Variants in FKBP5 observed in about 807,000 individuals in gnomAD.
FKBP5 encodes the protein FKBP prolyl isomerase 5, also known as peptidyl-prolyl cis-trans isomerase FKBP5.
A neutral mutation model predicts 50.5 loss-of-function variants in FKBP5; 23 were observed. The observed-to-expected ratio is 0.46, with a 90% confidence interval of 0.33 to 0.65. FKBP5 has a LOEUF of 0.65. Among genes scored for constraint, FKBP5 ranks in the 30% least tolerant of loss-of-function variants. The pLI is 0.02. For missense variants in FKBP5, 411 were observed against 553.1 expected (o/e 0.74, Z 2.58); for synonymous variants, 176 against 190.6 (o/e 0.92, Z 0.63).
At chr6:35,713,032 A>G (rs1254595547) in intron 2 of FKBP5, among the ~76,000 whole-genome samples, 1 of 140,040 alleles carries the variant, frequency 7.1e-6, no homozygotes, top group Admixed American at 8.0e-5. Context: ...AGCCGTGATC[A>G]CGCTACTGCA....
rs190620410 is a variant in FKBP5, at chr6:35,682,950, T to C, written c.-20+5854A>G. 1.2e-3 allele frequency among the ~76,000 whole-genome samples: 179 copies of C among 150,982 alleles called. 1 individual carries two copies. The highest frequency in any genetic ancestry group is 6.8e-3 in the Middle Eastern group (2 of 294). On this transcript the variant is annotated intron_variant, in intron 1 of 10. Coordinates refer to ENST00000357266, the MANE Select transcript of FKBP5 (RefSeq NM_004117.4). ...AAAAAGTATATATATATATATCCCA[T>C]TTCTTTTTTAAAAAAAGGTTAAAAA...
intron 8 of FKBP5, chr6:35,580,526 C>CTTTTTTTTTTT (rs34594222): frequency 3.7e-5 from 2 of 54,620 alleles, no homozygotes; most frequent in African/African-American, 1.6e-4. Flanking sequence ...ATTCTTTAGT[C>CTTTTTTTTTTT]TTTTTTTTTT....
intron 5 of FKBP5, among the ~76,000 whole-genome samples, chr6:35,606,577 G>A (rs1450948573): frequency 7.3e-6 from 1 of 136,312 alleles, no homozygotes; most frequent in African/African-American, 2.7e-5. Context: ...GGAGAATGGC[G>A]TGAACCTGGG....
intron 7 of FKBP5, among the ~76,000 whole-genome samples, chr6:35,589,110 TTATATA>T (rs1169766848): frequency 9.7e-6 from 1 of 103,006 alleles, no homozygotes; most frequent in African/African-American, 4.2e-5. Context: ...ATATATATTT[TTATATA>T]TATATATATA....
intron 1 of FKBP5, among the ~76,000 whole-genome samples, chr6:35,725,378 G>A (rs181946161): frequency 4.0e-4 from 61 of 152,260 alleles, no homozygotes; most frequent in Admixed American, 7.8e-4. Context: ...CAGGAATATT[G>A]CTAAAAGGCT....
chr6:35,648,151 T>C (rs766477457), intron 1 of FKBP5, among the ~76,000 whole-genome samples: 6 of 152,252 alleles, frequency 3.9e-5, no homozygotes, highest in Admixed American at 6.5e-5. Context: ...AAAAACCATG[T>C]TAGATGATCC....
intron 2 of FKBP5, among the ~76,000 whole-genome samples, chr6:35,706,457 AAG>A (rs1267186532): frequency 6.6e-5 from 10 of 151,856 alleles, no homozygotes; most frequent in African/African-American, 2.4e-4. Context: ...AGAAAAGAAA[AAG>A]AAAAAAGAAA....
At chr6:35,620,102 C>T (rs777488169) in intron 4 of FKBP5, 30 bp downstream of exon 4, 2 of 1,613,394 alleles carry the variant, frequency 1.2e-6, no homozygotes, top group Non-Finnish European at 1.7e-6. Flanking sequence ...AGAGCAGATG[C>T]TGACAAGGCA....
At chr6:35,646,059 T>C (rs1330588291) in intron 1 of FKBP5, among the ~76,000 whole-genome samples, 1 of 152,148 alleles carries the variant, frequency 6.6e-6, no homozygotes, top group Non-Finnish European at 1.5e-5. Flanking sequence ...GAAGTTGCAG[T>C]GAGCCGAGGT....
At chr6:35,717,836 G>A (rs1241170175) in intron 2 of FKBP5, among the ~76,000 whole-genome samples, 1 of 152,224 alleles carries the variant, frequency 6.6e-6, no homozygotes, top group East Asian at 1.9e-4. Flanking sequence ...AAGTGCCCAG[G>A]TTTGATGCTC....
At chr6:35,693,455 G>A (rs542495663), upstream of FKBP5, among the ~76,000 whole-genome samples, 83 of 151,270 alleles carry the variant, frequency 5.5e-4, no homozygotes, top group East Asian at 0.014. Flanking sequence ...GAGCCACTGC[G>A]CCCGGCCAGT....
intron 3 of FKBP5, among the ~76,000 whole-genome samples, chr6:35,621,705 C>T (rs1044109855): frequency 3.3e-5 from 5 of 151,552 alleles, no homozygotes; most frequent in Admixed American, 1.3e-4. Context: ...CACGTTGGCT[C>T]GCGCCTGTAA....
intron 1 of FKBP5, chr6:35,651,863 G>T: frequency 1.9e-6 from 2 of 1,074,334 alleles, no homozygotes; most frequent in African/African-American, 1.7e-5. Context: ...AAGACTTATG[G>T]TTAGGTGCAA....
At chr6:35,707,987 G>C (rs1447289914) in intron 2 of FKBP5, among the ~76,000 whole-genome samples, 2 of 152,164 alleles carry the variant, frequency 1.3e-5, no homozygotes, top group Non-Finnish European at 2.9e-5. Context: ...CTACAGTTCT[G>C]TAATACAGTA....
intron 1 of FKBP5, among the ~76,000 whole-genome samples, chr6:35,722,997 G>C (rs138403494): frequency 0.011 from 1,742 of 152,300 alleles, 29 homozygotes; most frequent in African/African-American, 0.036. Flanking sequence ...ACTTTGGGAG[G>C]CCAAGGCGGG....
chr6:35,583,460 A>G, intron 8 of FKBP5: 1 of 985,464 alleles, frequency 1.0e-6, no homozygotes, highest in Non-Finnish European at 1.2e-6. Context: ...TAATTTTTTG[A>G]AAGCTCTTGC....
chr6:35,709,108 T>C (rs4713918), intron 2 of FKBP5, among the ~76,000 whole-genome samples: 111,469 of 152,162 alleles, frequency 0.73, 40,998 homozygotes, highest in African/African-American at 0.81. Flanking sequence ...AGAAGTTTAA[T>C]TGGACTTACA....
chr6:35,624,243 A>T (rs1292306368), intron 3 of FKBP5, among the ~76,000 whole-genome samples: 2 of 152,218 alleles, frequency 1.3e-5, no homozygotes, highest in Non-Finnish European at 2.9e-5. Flanking sequence ...TAGGGAGGCC[A>T]TATTATTCTC....
At position 35,574,861 on chromosome 6, in the gene FKBP5, G is replaced by A. The variant is rs1416350997; in HGVS notation, c.*974C>T. 3 of 152,540 alleles carry A rather than the reference G, an allele frequency of 2.0e-5. No homozygotes were observed. The highest frequency in any genetic ancestry group is 4.4e-5 in the Non-Finnish European group (3 of 68,022). The allele number at this position is 152,540 out of a possible 1,614,324, so 9.4% of individuals were successfully genotyped here. A position where few individuals can be genotyped will look rare whatever the true frequency, so the allele number is the denominator to read the frequency against. ...AGCTGCATGGATCCTAAATGACTAT[G>A]TAAATAGATCCACTCCAGGTCAAAA... On this transcript the variant is annotated 3_prime_UTR_variant, in exon 11 of 11. Transcript: ENST00000357266.
Sources: gnomAD v4.1 joint callset for allele counts (sites outside exome capture counted in the v4.1 genomes callset) on GRCh38, gnomAD v4.1.1 for gene constraint, MANE v1.5 for transcripts, NCBI Gene and HGNC (gene_info 2026-07-23, HGNC 2026-07-21) for gene names.